SV2C: variants seen among roughly 807,000 people sequenced by gnomAD.
SV2C encodes the protein synaptic vesicle glycoprotein 2C, also known as solute carrier family 22 member B3.
Under a neutral mutation model 79.7 loss-of-function variants are expected in SV2C, and 49 were observed. The observed-to-expected ratio is 0.61, with a 90% confidence interval of 0.49 to 0.78. The LOEUF (loss-of-function observed/expected upper bound fraction) is 0.78, where lower values mean the gene tolerates loss of function less well. SV2C is among the 30% of genes least tolerant of loss of function. The pLI, the probability that SV2C is intolerant of heterozygous loss-of-function variation, is 0.00. For missense variants in SV2C, 833 were observed against 912.9 expected (o/e 0.91, Z 1.13); for synonymous variants, 334 against 333.2 (o/e 1.00, Z -0.03).
chr5:76,220,412 C>A (rs1745030814), intron 4 of SV2C, among the ~76,000 whole-genome samples: 2 of 152,098 alleles, frequency 1.3e-5, no homozygotes, highest in African/African-American at 4.8e-5. Context: ...TGGCTCATGC[C>A]TGTAATCCCA....
chr5:76,233,161 TG>T (rs1393310867), intron 4 of SV2C, among the ~76,000 whole-genome samples: 1 of 137,676 alleles, frequency 7.3e-6, no homozygotes, highest in Admixed American at 6.9e-5. Flanking sequence ...TCACATCCCT[TG>T]TAAGTTGGAT....
chr5:76,032,003 C>A, the SV2C span, among the ~76,000 whole-genome samples: 1 of 152,044 alleles, frequency 6.6e-6, no homozygotes, highest in Non-Finnish European at 1.5e-5. Context: ...TCATAAGACC[C>A]AAAGCAAACC....
intron 4 of SV2C, among the ~76,000 whole-genome samples, chr5:76,230,804 A>AG (rs1554041501): frequency 6.6e-6 from 1 of 151,356 alleles, no homozygotes; most frequent in African/African-American, 2.5e-5. Context: ...AAAAAAAAAG[A>AG]AAAGAAAAGA....
At chr5:75,880,278 T>C in the SV2C span, among the ~76,000 whole-genome samples, 1 of 151,544 alleles carries the variant, frequency 6.6e-6, no homozygotes, top group Non-Finnish European at 1.5e-5. Context: ...ATTCTTTCCC[T>C]GAAAACGGGC....
chr5:75,965,111 G>C, the SV2C span, among the ~76,000 whole-genome samples: 107,824 of 151,936 alleles, frequency 0.71, 38,871 homozygotes, highest in African/African-American at 0.83. Context: ...CAGACACTTT[G>C]ACTTGCTCCT....
rs1749569919 is a variant in SV2C, at chr5:76,347,714, T to C, written c.2001-5416T>C. On this transcript the variant is annotated intron_variant, in intron 12 of 12. Coordinates refer to the SV2C transcript ENST00000322285. The stretch of plus-strand genomic sequence containing the variant: ...GCCTCGGCCTCCCAAAGTGCTGGGA[T>C]TGCAAGCGTGAGCCACCCGTGCCCG... Among the ~76,000 whole-genome samples, 3 of 152,204 alleles carry C rather than the reference T, an allele frequency of 2.0e-5. No individual in the cohort carries two copies. The South Asian group carries it at 6.2e-4, about 32-fold the overall frequency.
chr5:75,973,304 A>G, the SV2C span, among the ~76,000 whole-genome samples: 2 of 151,768 alleles, frequency 1.3e-5, no homozygotes, highest in Non-Finnish European at 2.9e-5. Flanking sequence ...GTGCACACGT[A>G]CCCTAAAACT....
chr5:76,329,657 G>A lies in SV2C; in HGVS notation c.*4110G>A, dbSNP rs1749116272. 6.6e-6 allele frequency: 1 copy of A among 152,162 alleles called. No individual in the cohort carries two copies. The highest frequency in any genetic ancestry group is 2.1e-4 in the South Asian group (1 of 4,824). 9.4% of individuals were successfully genotyped at this position (152,162 alleles called of 1,614,324 possible). A position where few individuals can be genotyped will look rare whatever the true frequency, so the allele number is the denominator to read the frequency against. ...CTGGGGTCATTTCCAAAGCAGTCCAGGGGAATACTTTCTGATTCCCTCTGC... is the reference window on the plus strand; with the variant it reads ...CTGGGGTCATTTCCAAAGCAGTCCAAGGGAATACTTTCTGATTCCCTCTGC... On this transcript the variant is annotated 3_prime_UTR_variant, in exon 13 of 13. Transcript: ENST00000502798.
At chr5:76,300,121 G>A (rs1747929820) in intron 10 of SV2C, among the ~76,000 whole-genome samples, 1 of 151,180 alleles carries the variant, frequency 6.6e-6, no homozygotes, top group Non-Finnish European at 1.5e-5. Flanking sequence ...GGAGTACAGT[G>A]GCGCAATCAC....
At chr5:75,900,123 A>T in the SV2C span, among the ~76,000 whole-genome samples, 1 of 151,964 alleles carries the variant, frequency 6.6e-6, no homozygotes, top group Admixed American at 6.5e-5. Context: ...TTAGCCAGTT[A>T]TTTTGCTTGT....
At chr5:76,095,052 G>GT (rs1478761998) in intron 1 of SV2C, among the ~76,000 whole-genome samples, 4 of 151,182 alleles carry the variant, frequency 2.6e-5, no homozygotes, top group East Asian at 1.9e-4. Context: ...TTCTTTCAAT[G>GT]TTTTTTTTCT....
At chr5:76,313,429 G>A (rs762467834) in intron 12 of SV2C, among the ~76,000 whole-genome samples, 4 of 152,144 alleles carry the variant, frequency 2.6e-5, no homozygotes, top group Non-Finnish European at 5.9e-5. Flanking sequence ...GAAGTAGAGG[G>A]TGAAGGGGGT....
At chr5:75,988,283 C>G in the SV2C span, among the ~76,000 whole-genome samples, 1 of 152,100 alleles carries the variant, frequency 6.6e-6, no homozygotes, top group East Asian at 1.9e-4. Context: ...TGTAAATGCA[C>G]ATTGCTTTAC....
At chr5:76,093,809 A>ATTTTTAT (rs35242385) in intron 1 of SV2C, among the ~76,000 whole-genome samples, 1 of 151,992 alleles carries the variant, frequency 6.6e-6, no homozygotes, top group African/African-American at 2.4e-5. Flanking sequence ...TTATCAAATT[A>ATTTTTAT]TTTTCCCCCT....
At chr5:76,164,967 G>T (rs1743004122) in intron 2 of SV2C, among the ~76,000 whole-genome samples, 1 of 151,924 alleles carries the variant, frequency 6.6e-6, no homozygotes, top group African/African-American at 2.4e-5. Context: ...GTAAATAGTT[G>T]TTATACTATA....
the SV2C span, among the ~76,000 whole-genome samples, chr5:75,935,444 A>G: frequency 6.6e-6 from 1 of 152,192 alleles, no homozygotes; most frequent in South Asian, 2.1e-4. Context: ...TCTACCTTCC[A>G]GAAATAGTCA....
At chr5:76,012,072 T>C in the SV2C span, among the ~76,000 whole-genome samples, 17 of 152,168 alleles carry the variant, frequency 1.1e-4, no homozygotes, top group Admixed American at 9.2e-4. Flanking sequence ...TAAATATACA[T>C]GTGCATGTGT....
chr5:76,336,127 G>A (rs1444585395), downstream of SV2C, among the ~76,000 whole-genome samples: 13 of 146,082 alleles, frequency 8.9e-5, no homozygotes, highest in Non-Finnish European at 1.2e-4. Context: ...CCTCCCGGAC[G>A]GGGCGGCTGG....
intron 2 of SV2C, among the ~76,000 whole-genome samples, chr5:76,160,946 G>A (rs1313509340): frequency 4.1e-5 from 4 of 98,536 alleles, no homozygotes; most frequent in African/African-American, 2.0e-4. Context: ...GTAAAATGGT[G>A]TGACCACTTT....
Sources: gnomAD v4.1 joint callset for allele counts (sites outside exome capture counted in the v4.1 genomes callset) on GRCh38, gnomAD v4.1.1 for gene constraint, MANE v1.5 for transcripts, NCBI Gene and HGNC (gene_info 2026-07-23, HGNC 2026-07-21) for gene names.